RAP1GAP: variants seen among roughly 807,000 people sequenced by gnomAD.
RAP1GAP encodes RAP1 GTPase activating protein.
RAP1GAP carries 35 observed loss-of-function variants against 87.2 expected under a neutral mutation model. The ratio of observed to expected loss-of-function variants is 0.40; its 90% CI spans 0.31 to 0.53. The LOEUF (loss-of-function observed/expected upper bound fraction) is 0.53. Among genes scored for constraint, RAP1GAP ranks in the 20% least tolerant of loss-of-function variants. The pLI, the probability that RAP1GAP is intolerant of heterozygous loss-of-function variation, is 0.48. For missense variants in RAP1GAP, 734 were observed against 898.9 expected (o/e 0.82, Z 2.35); for synonymous variants, 375 against 363.9 (o/e 1.03, Z -0.35).
In RAP1GAP at chr1:21,615,540, C is replaced by A. The variant is rs1176002455; in HGVS notation, c.292-1451G>T. Among the ~76,000 whole-genome samples the A allele has an allele frequency of 1.3e-5, 2 of 152,110 alleles. No individual in the cohort carries two copies. The highest frequency in any genetic ancestry group is 1.3e-4 in the Admixed American group (2 of 15,264). On this transcript the variant is annotated intron_variant, in intron 7 of 24. Transcript: ENST00000374765. This position sits in a 1 kb window ranked among gnomAD's most constrained non-coding sequence, Gnocchi z 4.5. ...CTGAGTAGCTGGGATTACAGGCGCC[C>A]AGCACCACACCTGGCTAATTTTTGT...
chr1:21,641,561 G>A (rs978347778), intron 2 of RAP1GAP, among the ~76,000 whole-genome samples: 2 of 152,178 alleles, frequency 1.3e-5, no homozygotes, highest in African/African-American at 2.4e-5. Context: ...AGCAAGGACC[G>A]TGTCTGTCAG....
chr1:21,633,500 C>T (rs895519656), intron 2 of RAP1GAP, among the ~76,000 whole-genome samples: 2 of 152,118 alleles, frequency 1.3e-5, no homozygotes, highest in Middle Eastern at 3.2e-3. Context: ...TGGTACAGGA[C>T]CATCAAGGCA....
In RAP1GAP at chr1:21,602,881, C is replaced by T. The variant is rs1456563177; in HGVS notation, c.1461G>A (p.Arg487=). ...GGGAGCCGAACGGGCCCGACTTCTT[C>T]CTCGTGGGGCTCTTCCCAGGGACAA... ...SLIVPGKSPT[R]KKSGPFGSRR... The change falls in exon 19 of 25, where the codon AGG becomes AGA. Residue 487 remains arginine, a synonymous_variant. Transcript: ENST00000374765. 4 of 1,610,230 alleles carry T rather than the reference C, an allele frequency of 2.5e-6. No homozygotes were observed. Among genetic ancestry groups the T allele is most frequent in the Admixed American group, 1.7e-5 (1 of 59,986 alleles).
Position 21,626,348 on chromosome 1 carries a change from G to A in RAP1GAP, c.-63C>T, listed in dbSNP as rs771440409. On this transcript the variant is annotated 5_prime_UTR_variant, in exon 3 of 25. It adds an upstream start codon to the 5' untranslated region. Transcript: ENST00000374765. ...GTATAGGAGGGAACTAAGTTCACTC[G>A]TGACAGGTCTAGTGCCTGAGGGAAG... is the stretch of plus-strand genomic sequence containing the variant. The A allele has an allele frequency of 2.5e-6, 4 of 1,613,006 alleles. No individual in the cohort carries two copies. Among genetic ancestry groups the A allele is most frequent in the East Asian group, 2.2e-5 (1 of 44,886 alleles).
intron 10 of RAP1GAP, among the ~76,000 whole-genome samples, chr1:21,612,692 G>C (rs1164494153): frequency 6.6e-6 from 1 of 152,200 alleles, no homozygotes; most frequent in African/African-American, 2.4e-5. Flanking sequence ...TCCTCTTCCA[G>C]GAGGTGCCCC....
intron 4 of RAP1GAP, 49 bp from the exon 5 acceptor site, chr1:21,619,121 C>T (rs115394639): frequency 0.043 from 65,586 of 1,542,694 alleles, 1,605 homozygotes; most frequent in Non-Finnish European, 0.048. Context: ...TGCCGCCAGG[C>T]GCTGCCTCCC....
intron 3 of RAP1GAP, among the ~76,000 whole-genome samples, chr1:21,620,831 T>G (rs1190225644): frequency 6.7e-6 from 1 of 149,396 alleles, no homozygotes; most frequent in East Asian, 2.0e-4. Context: ...GCTATGGAGT[T>G]GTACACCAGG....
intron 4 of RAP1GAP, among the ~76,000 whole-genome samples, 194 bp from the exon 5 acceptor site, chr1:21,619,266 G>A (rs1399261591): frequency 6.6e-6 from 1 of 152,136 alleles, no homozygotes; most frequent in Non-Finnish European, 1.5e-5. Flanking sequence ...GACCGGGGCT[G>A]GAGGCTGGCA....
intron 2 of RAP1GAP, among the ~76,000 whole-genome samples, chr1:21,643,579 A>T (rs1348440772): frequency 6.6e-6 from 1 of 151,514 alleles, no homozygotes; most frequent in East Asian, 1.9e-4. Context: ...AAAAAAAGAA[A>T]AAAGAAAAAA....
chr1:21,639,283 C>T (rs2095275409), intron 2 of RAP1GAP, among the ~76,000 whole-genome samples: 1 of 152,238 alleles, frequency 6.6e-6, no homozygotes, highest in African/African-American at 2.4e-5. Flanking sequence ...CCAGGCCCTT[C>T]CCTGGAGCTC....
At position 21,601,808 on chromosome 1, in the gene RAP1GAP, C is replaced by T; in HGVS notation, c.1539-11G>A. On this transcript the variant is annotated splice_polypyrimidine_tract_variant and intron_variant, in intron 19 of 24. Coordinates refer to ENST00000374765, the MANE Select transcript of RAP1GAP (RefSeq NM_002885.4). ...GCCGGAGGGCTCTCCCTGCGGGGCA[C>T]ACGGGGGCAGCGGGGGGATTCAGCA... The T allele has an allele frequency of 6.3e-7, 1 of 1,580,990 alleles. No homozygotes were observed.
intron 22 of RAP1GAP, 82 bp downstream of exon 22, chr1:21,598,318 G>T: frequency 7.9e-7 from 1 of 1,267,956 alleles, no homozygotes. Context: ...ACTGCATGGG[G>T]CATGGGAACT....
chr1:21,599,429 C>T, intron 21 of RAP1GAP, 65 bp downstream of exon 21: 1 of 1,554,566 alleles, frequency 6.4e-7, no homozygotes, highest in Non-Finnish European at 8.6e-7. Flanking sequence ...CTCAGGGCAT[C>T]TCCAGGGACC....
intron 18 of RAP1GAP, 77 bp from the exon 19 acceptor site, chr1:21,602,990 C>T (rs2070252117): frequency 9.2e-7 from 1 of 1,081,592 alleles, no homozygotes; most frequent in Non-Finnish European, 1.4e-6. Flanking sequence ...TCTGGGGATC[C>T]TGCTGCCCCA....
At chr1:21,598,631 GC>G in intron 21 of RAP1GAP, 129 bp from the exon 22 acceptor site, 3 of 749,910 alleles carry the variant, frequency 4.0e-6, no homozygotes, top group Non-Finnish European at 6.6e-6. Context: ...AGGAGGACGG[GC>G]CTAGCCATGT....
rs2150015653 is a variant in RAP1GAP, at chr1:21,622,273, T to C, written c.-18-2223A>G. ...CTGGCTGGGGCAGAGCCGGCCGGGCTCCCCAGCAGTCGGGGTGACCCAGCC... is the reference window on the plus strand; with the variant it reads ...CTGGCTGGGGCAGAGCCGGCCGGGCCCCCCAGCAGTCGGGGTGACCCAGCC... On this transcript the variant is annotated intron_variant, in intron 3 of 24. Coordinates refer to ENST00000374765, the MANE Select transcript of RAP1GAP (RefSeq NM_002885.4). This position sits in a 1 kb window ranked among gnomAD's most constrained non-coding sequence, Gnocchi z 5.7. The C allele has an allele frequency of 2.2e-6, 1 of 453,630 alleles. No individual in the cohort carries two copies. Among genetic ancestry groups the C allele is most frequent in the Non-Finnish European group, 3.9e-6 (1 of 254,936 alleles). The allele number at this position is 453,630 out of a possible 1,614,324, so 28.1% of individuals were successfully genotyped here. A position where few individuals can be genotyped will look rare whatever the true frequency, so the allele number is the denominator to read the frequency against.
intron 2 of RAP1GAP, among the ~76,000 whole-genome samples, chr1:21,639,984 G>A (rs987526908): frequency 2.0e-5 from 3 of 152,168 alleles, no homozygotes; most frequent in East Asian, 3.9e-4. Flanking sequence ...ATGGCTTCCC[G>A]CCGCAAGCAG....
chr1:21,638,215 T>C (rs1408686215), intron 2 of RAP1GAP, among the ~76,000 whole-genome samples: 3 of 151,220 alleles, frequency 2.0e-5, no homozygotes, highest in African/African-American at 7.3e-5. Flanking sequence ...CTCAGCACTT[T>C]GGGAGGCCAA....
chr1:21,606,054 G>A lies in RAP1GAP; in HGVS notation c.1428+12C>T. The A allele has an allele frequency of 1.3e-6, 2 of 1,572,888 alleles. No homozygotes were observed. Among genetic ancestry groups the A allele is most frequent in the Non-Finnish European group, 1.7e-6 (2 of 1,160,906 alleles). The stretch of plus-strand genomic sequence containing the variant: ...GGAGGGGCCGGGGCCTGGGGAGGGG[G>A]AGGGCACTCACTATTCCAGCCGCCT... On this transcript the variant is annotated intron_variant, in intron 18 of 24. Coordinates refer to ENST00000374765, the MANE Select transcript of RAP1GAP (RefSeq NM_002885.4).
Sources: allele counts gnomAD v4.1 joint callset (sites outside exome capture counted in the v4.1 genomes callset), GRCh38; gene constraint gnomAD v4.1.1; non-coding constraint Gnocchi (gnomAD v3.1); transcripts MANE v1.5; gene names NCBI Gene and HGNC (gene_info 2026-07-23, HGNC 2026-07-21).